Variants in APBA1 observed in about 807,000 individuals in gnomAD.
APBA1 encodes the protein amyloid-beta A4 precursor protein-binding family A member 1.
In APBA1, 55 loss-of-function variants were observed where a neutral mutation model predicts 86.6. That is an observed-to-expected ratio of 0.64 (90% CI 0.51 to 0.80). APBA1 has a LOEUF of 0.80. Ranked by LOEUF, APBA1 falls within the 30% of genes least tolerant of loss-of-function variation. The probability of loss-of-function intolerance (pLI) is 0.00; values close to 1 mark genes in which losing one functional copy is unlikely to be tolerated. For missense variants in APBA1, 1,090 were observed against 1,183.0 expected (o/e 0.92, Z 1.15); for synonymous variants, 511 against 493.9 (o/e 1.03, Z -0.46).
At chr9:69,542,092 A>G (rs11139236) in intron 1 of APBA1, among the ~76,000 whole-genome samples, 57,528 of 151,996 alleles carry the variant, frequency 0.38, 12,257 homozygotes, top group Non-Finnish European at 0.47. Flanking sequence ...TAATTTCTAA[A>G]AATTAATGAC....
At chr9:69,658,248 CTT>C (rs1313003260) in intron 1 of APBA1, among the ~76,000 whole-genome samples, 2 of 21,904 alleles carry the variant, frequency 9.1e-5, no homozygotes, top group Non-Finnish European at 2.3e-4. Context: ...TTCTTTCTTT[CTT>C]TCTTTCTTTC....
At chr9:69,594,066 C>T (rs1822183161) in intron 1 of APBA1, among the ~76,000 whole-genome samples, 1 of 152,140 alleles carries the variant, frequency 6.6e-6, no homozygotes, top group Non-Finnish European at 1.5e-5. Flanking sequence ...TGGCTCTTTC[C>T]TCCTCTTGAC....
chr9:69,651,797 T>C (rs1018524748), intron 1 of APBA1, among the ~76,000 whole-genome samples: 2 of 152,174 alleles, frequency 1.3e-5, no homozygotes, highest in African/African-American at 4.8e-5. Flanking sequence ...TTTAACAAAA[T>C]TGACTGCCAA....
chr9:69,603,751 T>C (rs939761696), intron 1 of APBA1, among the ~76,000 whole-genome samples: 1 of 152,190 alleles, frequency 6.6e-6, no homozygotes, highest in Admixed American at 6.5e-5. Context: ...ATCATCCAAA[T>C]GAAATACTCT....
At chr9:69,652,440 G>GT (rs1823525356) in intron 1 of APBA1, among the ~76,000 whole-genome samples, 1 of 152,160 alleles carries the variant, frequency 6.6e-6, no homozygotes, top group South Asian at 2.1e-4. Flanking sequence ...ATAAGTGTGT[G>GT]TGTGTTTCCT....
chr9:69,602,373 C>G (rs1206252807), intron 1 of APBA1, among the ~76,000 whole-genome samples: 1 of 151,990 alleles, frequency 6.6e-6, no homozygotes, highest in Non-Finnish European at 1.5e-5. Flanking sequence ...AGATCAAGAC[C>G]ATCCTGCCTA....
intron 10 of APBA1, among the ~76,000 whole-genome samples, chr9:69,443,716 A>G (rs914215798): frequency 3.3e-5 from 5 of 152,226 alleles, no homozygotes; most frequent in African/African-American, 1.2e-4. Context: ...ACTGAGGCTC[A>G]GAGATTTTAA....
intron 1 of APBA1, among the ~76,000 whole-genome samples, chr9:69,596,587 A>C (rs2133969544): frequency 6.6e-6 from 1 of 152,304 alleles, no homozygotes; most frequent in South Asian, 2.1e-4. Flanking sequence ...CCATGTTCCG[A>C]GCATGTTATT....
chr9:69,436,356 A>C (rs951799475), intron 11 of APBA1, among the ~76,000 whole-genome samples: 4 of 151,472 alleles, frequency 2.6e-5, no homozygotes, highest in African/African-American at 9.7e-5. Context: ...TTGAATCTAT[A>C]AATTACCTTG....
In APBA1 at chr9:69,593,237, TGGA is replaced by T. The variant is rs1296252952; in HGVS notation, c.-69-75961_-69-75959del. Among the ~76,000 whole-genome samples the T allele has an allele frequency of 4.6e-3, 699 of 152,342 alleles. 7 individuals are homozygous for T. The highest frequency in any genetic ancestry group is 0.016 in the African/African-American group (663 of 41,574). On this transcript the variant is annotated intron_variant, in intron 1 of 12. Transcript: ENST00000265381. ...ATTTCTTTCTTCTTATCAGAATATT[TGGA>T]GGCTGATATAAATACACTTGTGCTT...
At chr9:69,636,914 GGAAGGAAGGAAAGAAA>G (rs1158643643) in intron 1 of APBA1, among the ~76,000 whole-genome samples, 42 of 98,750 alleles carry the variant, frequency 4.3e-4, no homozygotes, top group African/African-American at 1.6e-3. Flanking sequence ...AAGGAAGGAA[GGAAGGAAGGAAAGAAA>G]GAAAGAAAGA....
Position 69,431,227 on chromosome 9 carries a change from G to A in APBA1, c.*100C>T. The stretch of plus-strand genomic sequence containing the variant: ...CTTCCTGTGTAAAACCAAATGCTGG[G>A]CGCGAGAGGGGAAAGTCTCAGTGGA... On this transcript the variant is annotated 3_prime_UTR_variant, in exon 13 of 13. Coordinates refer to ENST00000265381, the MANE Select transcript of APBA1 (RefSeq NM_001163.4). 5.8e-6 allele frequency: 5 copies of A among 863,250 alleles called. No homozygotes were observed. Among genetic ancestry groups the A allele is most frequent in the South Asian group, 2.0e-5 (1 of 49,002 alleles). The allele number at this position is 863,250 out of a possible 1,614,324, so 53.5% of individuals were successfully genotyped here.
chr9:69,658,293 T>TC (rs1491557020), intron 1 of APBA1, among the ~76,000 whole-genome samples: 737 of 60,156 alleles, frequency 0.012, 25 homozygotes, highest in African/African-American at 0.022. Context: ...TCTCTCTCTC[T>TC]TTCTCTCTCT....
Position 69,432,623 on chromosome 9 carries a change from C to G in APBA1, c.2355G>C (p.Gly785=). Residue 785 remains glycine, a synonymous_variant, in exon 12 of 13, where the codon GGG becomes GGC. Coordinates refer to ENST00000265381, the MANE Select transcript of APBA1 (RefSeq NM_001163.4). ...GTCCATTGATTTCAATGATCCGGTG[C>G]CCCACACGGACGCCTCCTCTCTCAG... The part of the protein sequence containing the change: ...GIAERGGVRV[G]HRIIEINGQS... 1 of 1,605,606 alleles carries G rather than the reference C, an allele frequency of 6.2e-7. No individual in the cohort carries two copies. Among genetic ancestry groups the G allele is most frequent in the Non-Finnish European group, 8.5e-7 (1 of 1,176,634 alleles).
At chr9:69,589,238 G>A (rs1424701914) in intron 1 of APBA1, among the ~76,000 whole-genome samples, 2 of 152,212 alleles carry the variant, frequency 1.3e-5, no homozygotes, top group Non-Finnish European at 2.9e-5. Flanking sequence ...CTATAGGCAT[G>A]AGCCACTGCT....
intron 1 of APBA1, among the ~76,000 whole-genome samples, chr9:69,575,995 T>A (rs537745947): frequency 2.0e-5 from 3 of 152,070 alleles, no homozygotes; most frequent in Non-Finnish European, 4.4e-5. Context: ...TACAATGAAC[T>A]CAAACAAATT....
intron 1 of APBA1, among the ~76,000 whole-genome samples, chr9:69,520,875 A>C (rs1836240457): frequency 6.6e-6 from 1 of 151,752 alleles, no homozygotes; most frequent in Non-Finnish European, 1.5e-5. Flanking sequence ...TGTTTCCTTG[A>C]CTCTGATTTA....
At chr9:69,601,252 C>T (rs578032769) in intron 1 of APBA1, among the ~76,000 whole-genome samples, 5 of 152,276 alleles carry the variant, frequency 3.3e-5, no homozygotes, top group Non-Finnish European at 7.3e-5. Context: ...TTTTTTATTT[C>T]TCTCAACATA....
At chr9:69,460,238 G>C (rs1010430599) in intron 5 of APBA1, among the ~76,000 whole-genome samples, 1 of 152,206 alleles carries the variant, frequency 6.6e-6, no homozygotes, top group East Asian at 1.9e-4. Context: ...ATGCCCTGCT[G>C]TTCTTACTGG....
Sources: allele counts gnomAD v4.1 joint callset (sites outside exome capture counted in the v4.1 genomes callset), GRCh38; gene constraint gnomAD v4.1.1; transcripts MANE v1.5; gene names NCBI Gene and HGNC (gene_info 2026-07-23, HGNC 2026-07-21).